Variants in KIAA2012 observed in about 807,000 individuals in gnomAD.
KIAA2012 encodes KIAA2012, also known as uncharacterized protein KIAA2012.
Under a neutral mutation model 150.6 loss-of-function variants are expected in KIAA2012, and 125 were observed. The observed-to-expected ratio is 0.83, with a 90% CI of 0.72 to 0.96. The LOEUF (loss-of-function observed/expected upper bound fraction) is 0.96, where lower values mean the gene tolerates loss of function less well. Among genes scored for constraint, KIAA2012 ranks in the 40% least tolerant of loss-of-function variants. The pLI, the probability that KIAA2012 is intolerant of heterozygous loss-of-function variation, is 0.00. For missense variants in KIAA2012, 1,219 were observed against 1,354.9 expected, an observed-to-expected ratio of 0.90 and a Z score of 1.57; for synonymous variants, 462 against 504.7, an observed-to-expected ratio of 0.92 and a Z score of 1.13.
intron 18 of KIAA2012, among the ~76,000 whole-genome samples, chr2:202,189,274 T>C (rs906950732): frequency 2.6e-5 from 4 of 151,576 alleles, no homozygotes; most frequent in African/African-American, 9.7e-5. Context: ...GCCCCCACCA[T>C]AAGTCAGAGT....
intron 13 of KIAA2012, among the ~76,000 whole-genome samples, chr2:202,142,662 A>C (rs762008832): frequency 1.3e-5 from 2 of 152,200 alleles, no homozygotes; most frequent in Non-Finnish European, 2.9e-5. Flanking sequence ...ACTGTAAACT[A>C]AGATCCTCCC....
At chr2:202,160,826 C>A (rs1053307239) in intron 14 of KIAA2012, among the ~76,000 whole-genome samples, 1 of 152,124 alleles carries the variant, frequency 6.6e-6, no homozygotes, top group Non-Finnish European at 1.5e-5. Flanking sequence ...GAGAACTCTA[C>A]AATTATTTAT....
At chr2:202,083,443 G>T (rs568126393) in intron 2 of KIAA2012, among the ~76,000 whole-genome samples, 1 of 140,990 alleles carries the variant, frequency 7.1e-6, no homozygotes, top group Non-Finnish European at 1.5e-5. Flanking sequence ...AGTCACACAT[G>T]CACAGGTGCA....
chr2:202,108,621 G>A lies in KIAA2012; in HGVS notation c.1475-992G>A, dbSNP rs530331234. Among the ~76,000 whole-genome samples the A allele has an allele frequency of 1.6e-4, 25 of 152,288 alleles. No homozygotes were observed. The East Asian group carries it at 4.8e-3, about 29-fold the overall frequency. On this transcript the variant is annotated intron_variant, in intron 9 of 23. Coordinates refer to ENST00000498697, the MANE Select transcript of KIAA2012 (RefSeq NM_001277372.4). ...TTGGATTTTTCTATTTCCTCATAAT[G>A]AGATTCAGATCAAACCTTTTTGGCA...
chr2:202,132,747 A>ATATAGTATATATGTGTATATAT (rs373235755), intron 12 of KIAA2012, among the ~76,000 whole-genome samples: 5 of 104,370 alleles, frequency 4.8e-5, no homozygotes, highest in African/African-American at 1.1e-4. Flanking sequence ...GTATATATAT[A>ATATAGTATATATGTGTATATAT]GTATATATGT....
chr2:202,154,527 T>C (rs2105711059), intron 13 of KIAA2012, 146 bp from the exon 14 acceptor site: 2 of 726,770 alleles, frequency 2.8e-6, no homozygotes, highest in South Asian at 4.3e-5. Context: ...GTCCTCTGTG[T>C]CTTCAACAGT....
chr2:202,197,125 C>A, intron 22 of KIAA2012, 106 bp downstream of exon 22: 2 of 1,500,012 alleles, frequency 1.3e-6, no homozygotes, highest in South Asian at 1.3e-5. Flanking sequence ...AAAGTCCCCC[C>A]ACCCCCAGCA....
At chr2:202,147,551 C>A (rs1037068284) in intron 13 of KIAA2012, among the ~76,000 whole-genome samples, 1 of 152,210 alleles carries the variant, frequency 6.6e-6, no homozygotes, top group African/African-American at 2.4e-5. Context: ...CTTCTTCCAG[C>A]CTTCTGCTGT....
chr2:202,166,612 A>G (rs1041544847), intron 15 of KIAA2012, among the ~76,000 whole-genome samples: 54 of 151,892 alleles, frequency 3.6e-4, no homozygotes, highest in Non-Finnish European at 1.8e-4. Context: ...TGCTATGATC[A>G]TGCCACTGCA....
intron 5 of KIAA2012, among the ~76,000 whole-genome samples, chr2:202,099,308 G>A (rs2105920571): frequency 6.6e-6 from 1 of 152,172 alleles, no homozygotes; most frequent in East Asian, 1.9e-4. Context: ...ATTTCGTAAT[G>A]GATAAAAACA....
intron 11 of KIAA2012, among the ~76,000 whole-genome samples, chr2:202,118,813 G>T (rs563959380): frequency 6.6e-6 from 1 of 152,312 alleles, no homozygotes; most frequent in African/African-American, 2.4e-5. Flanking sequence ...AGGCCTCACA[G>T]CCCACTCTGG....
chr2:202,113,548 A>C (rs1485328052), intron 11 of KIAA2012, 102 bp downstream of exon 11: 7 of 736,514 alleles, frequency 9.5e-6, no homozygotes, highest in Non-Finnish European at 1.5e-5. Flanking sequence ...CATCATTAAA[A>C]ACAGACGCAA....
rs547093797 is a variant in KIAA2012 at position 202,202,288 on chromosome 2, G to A, written c.3408-141G>A. On this transcript the variant is annotated intron_variant, in intron 22 of 23. Coordinates refer to ENST00000498697, the MANE Select transcript of KIAA2012 (RefSeq NM_001277372.4). ...TGTAAATTTACTAAATGAAGAGTAT[G>A]ATCTTCCACTGAAATCCAAGATCAA... is the stretch of plus-strand genomic sequence containing the variant. 478 of 402,058 alleles carry A rather than the reference G, an allele frequency of 1.2e-3. 2 individuals carry two copies. The highest frequency in any genetic ancestry group is 1.3e-3 in the Middle Eastern group (2 of 1,592). The allele number at this position is 402,058 out of a possible 1,614,324, so 24.9% of individuals were successfully genotyped here.
intron 21 of KIAA2012, 41 bp downstream of exon 21, chr2:202,194,403 G>A: frequency 6.5e-7 from 1 of 1,545,162 alleles, no homozygotes; most frequent in South Asian, 1.2e-5. Context: ...TCTTCTACTT[G>A]GGGCAGAAAC....
At chr2:202,174,746 C>G (rs1320025120) in intron 15 of KIAA2012, among the ~76,000 whole-genome samples, 1 of 152,124 alleles carries the variant, frequency 6.6e-6, no homozygotes, top group Non-Finnish European at 1.5e-5. Context: ...AGGCTCATAT[C>G]ATTTTATTCA....
intron 18 of KIAA2012, 118 bp from the exon 19 acceptor site, chr2:202,190,056 C>G (rs988610476): frequency 1.2e-6 from 1 of 801,854 alleles, no homozygotes; most frequent in Non-Finnish European, 1.9e-6. Context: ...CCACTGCTCT[C>G]CAGCTTGGGT....
At chr2:202,088,511 C>T (rs1264358207) in intron 2 of KIAA2012, among the ~76,000 whole-genome samples, 1 of 152,192 alleles carries the variant, frequency 6.6e-6, no homozygotes, top group Non-Finnish European at 1.5e-5. Context: ...AAAGCCTCTG[C>T]TCAGTCTCCA....
intron 13 of KIAA2012, among the ~76,000 whole-genome samples, 188 bp from the exon 14 acceptor site, chr2:202,154,485 T>C (rs1219721936): frequency 6.6e-6 from 1 of 152,248 alleles, no homozygotes; most frequent in Non-Finnish European, 1.5e-5. Flanking sequence ...CATTAATTAA[T>C]AAACAGTCTT....
In KIAA2012 at chr2:202,188,275, G is replaced by A. The variant is rs1318117024; in HGVS notation, c.2491+9G>A. On this transcript the variant is annotated intron_variant, in intron 18 of 23. Coordinates refer to ENST00000498697, the MANE Select transcript of KIAA2012 (RefSeq NM_001277372.4). Reference sequence around the variant, plus strand: ...AGCAGAGGCTGCCATTGGTAAGAGAGTGTGCCTGCAAGTAACAACCTGGAG... The same window carrying A: ...AGCAGAGGCTGCCATTGGTAAGAGAATGTGCCTGCAAGTAACAACCTGGAG... 2 of 1,546,498 alleles carry A rather than the reference G, an allele frequency of 1.3e-6. No homozygotes were observed. Among genetic ancestry groups the A allele is most frequent in the South Asian group, 2.4e-5 (2 of 83,808 alleles).
Sources: allele counts gnomAD v4.1 joint callset (sites outside exome capture counted in the v4.1 genomes callset), GRCh38; gene constraint gnomAD v4.1.1; transcripts MANE v1.5; gene names NCBI Gene and HGNC (gene_info 2026-07-23, HGNC 2026-07-21).